The following KERA variants were observed in gnomAD, a reference collection of about 807,000 sequenced individuals.
KERA encodes keratan sulfate proteoglycan keratocan.
Under a neutral mutation model 26.4 loss-of-function variants are expected in KERA, and 25 were observed. That is an observed-to-expected ratio of 0.95 (90% CI 0.69 to 1.32). KERA has a LOEUF of 1.32. Among genes scored for constraint, KERA ranks in the 40% most tolerant of loss-of-function variants. The pLI, the probability that KERA is intolerant of heterozygous loss-of-function variation, is 0.00. For synonymous variants in KERA, 167 were observed against 146.1 expected, an observed-to-expected ratio of 1.14 and a Z score of -1.03; for missense variants, 434 against 408.9, an observed-to-expected ratio of 1.06 and a Z score of -0.53.
rs1878856042 is a variant in KERA, at chr12:91,051,201, T to C, written c.*145A>G. The stretch of plus-strand genomic sequence containing the variant: ...TGCATGTAACTGGCAAAAGCATCTT[T>C]GAATAGAAAAAATACACTGCACAAA... On this transcript the variant is annotated 3_prime_UTR_variant, in exon 3 of 3. Coordinates refer to ENST00000266719, the MANE Select transcript of KERA (RefSeq NM_007035.4). 4.3e-6 allele frequency: 3 copies of C among 699,442 alleles called. No individual in the cohort carries two copies. The East Asian group carries it at 8.3e-5, about 19-fold the overall frequency. The allele number at this position is 699,442 out of a possible 1,614,324, so 43.3% of individuals were successfully genotyped here. A position where few individuals can be genotyped will look rare whatever the true frequency, so the allele number is the denominator to read the frequency against.
In KERA at chr12:91,055,754, G is replaced by A; in HGVS notation, c.528C>T (p.Asn176=). Residue 176 remains asparagine, a synonymous_variant, in exon 2 of 3, where the codon AAC becomes AAT. Coordinates refer to ENST00000266719, the MANE Select transcript of KERA (RefSeq NM_007035.4). The part of the protein sequence containing the change: ...ENLTLLDLQN[N]KLVDNAFQRD... ...TTTGAAAGGCATTGTCCACTAATTT[G>A]TTGTTCTGTAGGTCAAGAAGGGTCA... 6.2e-7 allele frequency: 1 copy of A among 1,611,410 alleles called. No individual in the cohort carries two copies. Among genetic ancestry groups the A allele is most frequent in the South Asian group, 1.1e-5 (1 of 91,044 alleles).
At chr12:91,056,407 C>A (rs1355860299) in intron 1 of KERA, 118 bp from the exon 2 acceptor site, 1 of 787,424 alleles carries the variant, frequency 1.3e-6, no homozygotes, top group Non-Finnish European at 2.2e-6. Flanking sequence ...AATATGTCAA[C>A]ATTTCATACA....
chr12:91,057,905 A>G lies in KERA; in HGVS notation c.-170T>C, dbSNP rs1412671757. 6.6e-6 allele frequency: 1 copy of G among 151,166 alleles called. No homozygotes were observed. Among genetic ancestry groups the G allele is most frequent in the East Asian group, 1.9e-4 (1 of 5,136 alleles). 9.4% of individuals were successfully genotyped at this position (151,166 alleles called of 1,614,324 possible). On this transcript the variant is annotated 5_prime_UTR_variant, in exon 1 of 3. It removes an upstream start codon present in the reference 5' UTR. Transcript: ENST00000266719. ...GTGAAACCTACTCGTCCCAGTCACC[A>G]TGAACACCTTTGATCTATTGTTTCC...
chr12:91,052,819 G>A (rs532565759), intron 2 of KERA, among the ~76,000 whole-genome samples: 1 of 151,426 alleles, frequency 6.6e-6, no homozygotes, highest in East Asian at 2.0e-4. Flanking sequence ...CCCTTTCGAT[G>A]TGCAATCCCC....
intron 2 of KERA, among the ~76,000 whole-genome samples, chr12:91,051,747 A>G (rs1215196340): frequency 6.6e-6 from 1 of 151,678 alleles, no homozygotes; most frequent in South Asian, 2.1e-4. Context: ...GCTACTTAGT[A>G]TAGAGCACTA....
intron 2 of KERA, among the ~76,000 whole-genome samples, chr12:91,051,797 T>C (rs968337529): frequency 1.3e-5 from 2 of 151,698 alleles, no homozygotes; most frequent in Middle Eastern, 3.4e-3. Flanking sequence ...GAAACAAATG[T>C]GTATAAGACG....
In KERA at chr12:91,056,045, T is replaced by C. The variant is rs1321982447; in HGVS notation, c.237A>G (p.Gln79=). 1.9e-6 allele frequency: 3 copies of C among 1,608,950 alleles called. No individual in the cohort carries two copies. Among genetic ancestry groups the C allele is most frequent in the Non-Finnish European group, 2.5e-6 (3 of 1,177,732 alleles). The stretch of plus-strand genomic sequence containing the variant: ...CAGGAATGGTTTCTATCAGGTTGTT[T>C]TGAAGATAAAGATACCAAATTCTTG... ...IPSRIWYLYL[Q]NNLIETIPEK... Residue 79 remains glutamine, a synonymous_variant, in exon 2 of 3, where the codon CAA becomes CAG. Transcript: ENST00000266719.
intron 2 of KERA, 125 bp downstream of exon 2, chr12:91,055,271 C>T (rs777637660): frequency 3.1e-5 from 27 of 860,650 alleles, no homozygotes; most frequent in Non-Finnish European, 4.6e-5. Context: ...ATTGAAAACA[C>T]ACTAAAAATC....
intron 2 of KERA, among the ~76,000 whole-genome samples, chr12:91,054,119 A>C (rs970352631): frequency 2.6e-5 from 4 of 151,304 alleles, no homozygotes; most frequent in Non-Finnish European, 5.9e-5. Context: ...AATAACCGCT[A>C]TGATGGCAGG....
In KERA at chr12:91,055,437, G is replaced by A. The variant is rs747741762; in HGVS notation, c.845C>T (p.Ala282Val). 11 of 1,610,274 alleles carry A rather than the reference G, an allele frequency of 6.8e-6. No homozygotes were observed. Among genetic ancestry groups the A allele is most frequent in the Admixed American group, 1.7e-5 (1 of 59,676 alleles). Reference protein sequence around the residue: ...NQLTKVPRISAHLQHLHLDHN... With the variant: ...NQLTKVPRISVHLQHLHLDHN... ...ATCAAGGTGAAGGTGCTGCAGATGA[G>A]CACTGATTCGGGGAACCTTTGTGAG... The change falls in exon 2 of 3, where the codon GCT becomes GTT. Residue 282 changes from alanine to valine, a missense_variant. Coordinates refer to ENST00000266719, the MANE Select transcript of KERA (RefSeq NM_007035.4).
chr12:91,051,282 T>C lies in KERA; in HGVS notation c.*64A>G, dbSNP rs1858596625. On this transcript the variant is annotated 3_prime_UTR_variant, in exon 3 of 3. Transcript: ENST00000266719. ...ATGACTTGTGTCCTAAACCTATTAATGGTAACCACATTTCATGTCAGAAAC... is the reference window on the plus strand; with the variant it reads ...ATGACTTGTGTCCTAAACCTATTAACGGTAACCACATTTCATGTCAGAAAC... The C allele has an allele frequency of 3.0e-6, 4 of 1,349,576 alleles. No homozygotes were observed. In the Admixed American group the frequency reaches 6.8e-5, roughly 23 times the overall value. 83.6% of individuals were successfully genotyped at this position (1,349,576 alleles called of 1,614,324 possible). A position where few individuals can be genotyped will look rare whatever the true frequency, so the allele number is the denominator to read the frequency against.
chr12:91,053,447 T>C (rs1478168477), intron 2 of KERA, among the ~76,000 whole-genome samples: 2 of 151,344 alleles, frequency 1.3e-5, no homozygotes, highest in Admixed American at 1.3e-4. Context: ...CTAGCTGATC[T>C]TCAGTTTCTC....
In KERA at chr12:91,057,300, A is replaced by G. The variant is rs559723388; in HGVS notation, c.-9+444T>C. Reference sequence around the variant, plus strand: ...CCACTGATCATCAAAGATTATTGGTACAAATAATTATTTTAACAGGAAATA... The same window carrying G: ...CCACTGATCATCAAAGATTATTGGTGCAAATAATTATTTTAACAGGAAATA... On this transcript the variant is annotated intron_variant, in intron 1 of 2. Coordinates refer to ENST00000266719, the MANE Select transcript of KERA (RefSeq NM_007035.4). Among the ~76,000 whole-genome samples, 3 of 149,528 alleles carry G rather than the reference A, an allele frequency of 2.0e-5. No homozygotes were observed. The East Asian group carries it at 5.9e-4, about 29-fold the overall frequency.
At chr12:91,054,269 T>A (rs933999266) in intron 2 of KERA, among the ~76,000 whole-genome samples, 2 of 151,416 alleles carry the variant, frequency 1.3e-5, no homozygotes, top group Non-Finnish European at 3.0e-5. Context: ...TTTATGTGAT[T>A]ATTTGCTTAA....
chr12:91,055,418 G>T lies in KERA; in HGVS notation c.864C>A (p.His288Gln), dbSNP rs1279908888. The T allele has an allele frequency of 2.5e-6, 4 of 1,610,194 alleles. No homozygotes were observed. Among genetic ancestry groups the T allele is most frequent in the Non-Finnish European group, 3.4e-6 (4 of 1,177,448 alleles). The change falls in exon 2 of 3, where the codon CAC (histidine) becomes CAA (glutamine). Residue 288 changes from histidine (H) to glutamine (Q), a missense_variant. By Grantham distance (24) the His-to-Gln change is conservative (BLOSUM62 0). Transcript: ENST00000266719. ...PRISAHLQHL[H>Q]LDHNKIKSVN... ...TACTTTTAATTTTGTTATGATCAAG[G>T]TGAAGGTGCTGCAGATGAGCACTGA...
In KERA at chr12:91,055,516, A is replaced by G. The variant is rs1333689304; in HGVS notation, c.766T>C (p.Ser256Pro). 6.2e-7 allele frequency: 1 copy of G among 1,610,014 alleles called. No homozygotes were observed. The highest frequency in any genetic ancestry group is 1.1e-5 in the South Asian group (1 of 90,930). ...ATTGATGATACATCAAATCCTCTTG[A>G]TGGGAGACCCTCATCTGACAGTTTG... ...HNKLSDEGLP[S>P]RGFDVSSILD... is the part of the protein sequence containing the mutation. The change falls in exon 2 of 3, where the codon TCA (serine) becomes CCA (proline). Residue 256 changes from serine (S) to proline (P), a missense_variant. By Grantham distance (74) the Ser-to-Pro change is moderately conservative. Coordinates refer to ENST00000266719, the MANE Select transcript of KERA (RefSeq NM_007035.4).
intron 2 of KERA, among the ~76,000 whole-genome samples, chr12:91,052,244 C>T (rs1878887551): frequency 6.6e-6 from 1 of 151,390 alleles, no homozygotes; most frequent in Non-Finnish European, 1.5e-5. Flanking sequence ...GGATCAAAGC[C>T]CTTGGCACCA....
Position 91,056,300 on chromosome 12 carries a change from A to T in KERA, c.-8-11T>A. 1.2e-6 allele frequency: 2 copies of T among 1,600,324 alleles called. No homozygotes were observed. The highest frequency in any genetic ancestry group is 1.7e-6 in the Non-Finnish European group (2 of 1,170,052). On this transcript the variant is annotated splice_polypyrimidine_tract_variant and intron_variant, in intron 1 of 2. Coordinates refer to ENST00000266719, the MANE Select transcript of KERA (RefSeq NM_007035.4). The stretch of plus-strand genomic sequence containing the variant: ...CTGCCATTATAGCACCTACAGAAAA[A>T]GGAACACAACTGTTAGATATTTGAA...
In KERA at chr12:91,055,825, T is replaced by G; in HGVS notation, c.457A>C (p.Lys153Gln). The change falls in exon 2 of 3, where the codon AAG (lysine) becomes CAG (glutamine). Residue 153 changes from lysine (K) to glutamine (Q), a missense_variant. Coordinates refer to ENST00000266719, the MANE Select transcript of KERA (RefSeq NM_007035.4). ...GTCCCTTGAGGAATTCTGGACACCT[T>G]ATTTCTAGCTAATTGTAATTGTTCT... ...SLEQLQLARN[K>Q]VSRIPQGTFS... The G allele has an allele frequency of 1.9e-6, 3 of 1,611,332 alleles. No homozygotes were observed. The highest frequency in any genetic ancestry group is 2.5e-6 in the Non-Finnish European group (3 of 1,178,220).
Sources: gnomAD v4.1 joint callset for allele counts (sites outside exome capture counted in the v4.1 genomes callset) on GRCh38, gnomAD v4.1.1 for gene constraint, MANE v1.5 for transcripts, NCBI Gene and HGNC (gene_info 2026-07-23, HGNC 2026-07-21) for gene names.